The following GPT variants were observed in gnomAD, a reference collection of about 807,000 sequenced individuals.
GPT encodes the protein alanine aminotransferase 1.
A neutral mutation model predicts 51.4 loss-of-function variants in GPT; 60 were observed. The ratio of observed to expected loss-of-function variants is 1.17; its 90% CI spans 0.95 to 1.45. The LOEUF (loss-of-function observed/expected upper bound fraction) is 1.45. Among genes scored for constraint, GPT ranks in the 40% most tolerant of loss-of-function variants. The pLI, the probability that GPT is intolerant of heterozygous loss-of-function variation, is 0.00. For synonymous variants in GPT, 397 were observed against 303.1 expected (o/e 1.31, Z -3.22); for missense variants, 853 against 704.0 (o/e 1.21, Z -2.40).
chr8:144,507,114 G>GGGGGGGGGGGGGGGCCC lies in GPT; in HGVS notation c.*114_*115insGGGGGGGGGGGGGGCCC. The stretch of plus-strand genomic sequence containing the variant: ...TGCCTGGCGGGGTGGGGTGGGGGGG[G>GGGGGGGGGGGGGGGCCC]TGCTGGGCCCCTGCCTCTCTGCAGG... On this transcript the variant is annotated 3_prime_UTR_variant, in exon 11 of 11. Transcript: ENST00000394955. 2.0e-6 allele frequency: 1 copy of GGGGGGGGGGGGGGGCCC among 498,330 alleles called. No homozygotes were observed. Among genetic ancestry groups the GGGGGGGGGGGGGGGCCC allele is most frequent in the Non-Finnish European group, 3.9e-6 (1 of 254,516 alleles). 30.9% of individuals were successfully genotyped at this position (498,330 alleles called of 1,614,324 possible).
upstream of GPT, chr8:144,504,134 C>T (rs1361422278): frequency 4.2e-6 from 3 of 709,564 alleles, no homozygotes; most frequent in Non-Finnish European, 4.9e-6. Context: ...CCTTTCTGTC[C>T]CTCCCAGTGA....
At position 144,506,843 on chromosome 8, in the gene GPT, G is replaced by T. The variant is rs371318945; in HGVS notation, c.1400G>T (p.Arg467Leu). ...CAGCGGGAAGGCACCTACCACTTCC[G>T]GTGAGGCCTGGCCCTCACTCCCTGT... ...FGQREGTYHFRMTILPPLEKL... is the reference protein window; with the variant it reads ...FGQREGTYHFLMTILPPLEKL... The change falls in exon 10 of 11, where the codon CGG becomes CTG. Residue 467 changes from arginine to leucine, a missense_variant and splice_region_variant. Physicochemically the swap from Arg to Leu is moderately radical, Grantham distance 102. Transcript: ENST00000394955. The surrounding 1 kb of genome is among the most constrained non-coding windows in gnomAD (Gnocchi z 7.0). 1.9e-6 allele frequency: 3 copies of T among 1,612,380 alleles called. No individual in the cohort carries two copies. Among genetic ancestry groups the T allele is most frequent in the Non-Finnish European group, 1.7e-6 (2 of 1,179,690 alleles).
In GPT at chr8:144,507,166, G is replaced by C; in HGVS notation, c.*166G>C. 1.5e-6 allele frequency: 1 copy of C among 662,916 alleles called. No individual in the cohort carries two copies. The highest frequency in any genetic ancestry group is 2.7e-6 in the Non-Finnish European group (1 of 365,172). The allele number at this position is 662,916 out of a possible 1,614,324, so 41.1% of individuals were successfully genotyped here. A position where few individuals can be genotyped will look rare whatever the true frequency, so the allele number is the denominator to read the frequency against. Reference sequence around the variant, plus strand: ...CCCTAATAAAGCTGTGTGGCAGTCTGACTCCAGGGAGGAAGCGTTGGCAGC... The same window carrying C: ...CCCTAATAAAGCTGTGTGGCAGTCTCACTCCAGGGAGGAAGCGTTGGCAGC... On this transcript the variant is annotated 3_prime_UTR_variant, in exon 11 of 11. Coordinates refer to ENST00000394955, the MANE Select transcript of GPT (RefSeq NM_005309.3).
rs372885450 is a variant in GPT at position 144,506,140 on chromosome 8, G to A, written c.956+9G>A. 3.1e-6 allele frequency: 5 copies of A among 1,610,038 alleles called. No homozygotes were observed. The highest frequency in any genetic ancestry group is 2.2e-5 in the East Asian group (1 of 44,772). Reference sequence around the variant, plus strand: ...AAGGGCTACATGGGCGAGTGCGTGCGTACGAGGCGGGTGGGGGCTCGCGGG... The same window carrying A: ...AAGGGCTACATGGGCGAGTGCGTGCATACGAGGCGGGTGGGGGCTCGCGGG... On this transcript the variant is annotated intron_variant, in intron 7 of 10. Transcript: ENST00000394955. The surrounding 1 kb of genome is among the most constrained non-coding windows in gnomAD (Gnocchi z 7.0).
upstream of GPT, chr8:144,503,828 T>C: frequency 5.0e-6 from 1 of 198,812 alleles, no homozygotes; most frequent in Non-Finnish European, 1.0e-5. Context: ...CGGGGGTCCC[T>C]CCTTGCCAGC....
At position 144,506,223 on chromosome 8, in the gene GPT, C is replaced by T. The variant is rs756731766; in HGVS notation, c.957-9C>T. 4.4e-6 allele frequency: 7 copies of T among 1,606,256 alleles called. No individual in the cohort carries two copies. Among genetic ancestry groups the T allele is most frequent in the Admixed American group, 1.7e-5 (1 of 59,518 alleles). On this transcript the variant is annotated splice_polypyrimidine_tract_variant and intron_variant, in intron 7 of 10. Transcript: ENST00000394955. The surrounding 1 kb of genome is among the most constrained non-coding windows in gnomAD (Gnocchi z 7.0). The stretch of plus-strand genomic sequence containing the variant: ...CCCCCTCCTCCGCACCTGACCTGGC[C>T]GTGCGCAGGTGCGGGTTCCGCGGCG...
intron 2 of GPT, 31 bp from the exon 3 acceptor site, chr8:144,504,740 G>A (rs1333599972): frequency 1.3e-6 from 2 of 1,573,746 alleles, no homozygotes; most frequent in Non-Finnish European, 1.7e-6. Flanking sequence ...CCCAGCCCAT[G>A]TGCCCTGGCC....
chr8:144,506,445 A>G lies in GPT; in HGVS notation c.1131+39A>G. 1 of 1,569,212 alleles carries G rather than the reference A, an allele frequency of 6.4e-7. No homozygotes were observed. Among genetic ancestry groups the G allele is most frequent in the Non-Finnish European group, 8.6e-7 (1 of 1,158,516 alleles). On this transcript the variant is annotated intron_variant, in intron 8 of 10. Coordinates refer to ENST00000394955, the MANE Select transcript of GPT (RefSeq NM_005309.3). The surrounding 1 kb of genome is among the most constrained non-coding windows in gnomAD (Gnocchi z 7.0). Reference sequence around the variant, plus strand: ...AGGAGGGGGTCCAGGTGACCTAATCAGGGGTGGGGGATGCCGAGTGCCGTG... The same window carrying G: ...AGGAGGGGGTCCAGGTGACCTAATCGGGGGTGGGGGATGCCGAGTGCCGTG...
At position 144,506,563 on chromosome 8, in the gene GPT, T is replaced by C; in HGVS notation, c.1194T>C (p.Asn398=). 1.3e-6 allele frequency: 2 copies of C among 1,585,030 alleles called. No homozygotes were observed. The highest frequency in any genetic ancestry group is 2.3e-5 in the East Asian group (1 of 43,762). ...AKAKLTEQVF[N]EAPGISCNPV... ...CCAAGCTCACCGAGCAGGTCTTCAA[T>C]GAGGCTCCTGGCATCAGCTGCAACC... is the stretch of plus-strand genomic sequence containing the variant. The change falls in exon 9 of 11, where the codon AAT becomes AAC. Residue 398 remains asparagine, a synonymous_variant. Transcript: ENST00000394955. The surrounding 1 kb of genome is among the most constrained non-coding windows in gnomAD (Gnocchi z 7.0).
Position 144,505,308 on chromosome 8 carries a change from C to T in GPT, c.558C>T (p.Ile186=), listed in dbSNP as rs1200217718. ...CACGCACGGGTGTGCTCATCCCCAT[C>T]CCCCAGTACCCACTCTACTCGGCCA... is the stretch of plus-strand genomic sequence containing the variant. ...GHTRTGVLIP[I]PQYPLYSATL... is the part of the protein sequence containing the mutation. The change falls in exon 5 of 11, where the codon ATC becomes ATT. Residue 186 remains isoleucine, a synonymous_variant. Coordinates refer to ENST00000394955, the MANE Select transcript of GPT (RefSeq NM_005309.3). 3 of 1,570,424 alleles carry T rather than the reference C, an allele frequency of 1.9e-6. No individual in the cohort carries two copies. The highest frequency in any genetic ancestry group is 1.2e-5 in the South Asian group (1 of 86,398).
In GPT at chr8:144,505,936, C is replaced by T. The variant is rs1465025744; in HGVS notation, c.819+9C>T. ...TTCTGCTGGCGGACGAGGTGCGCGG[C>T]GCGGGGGAGCGGGAAGCCGGGCAAC... On this transcript the variant is annotated intron_variant, in intron 6 of 10. Transcript: ENST00000394955. 1.9e-5 allele frequency: 31 copies of T among 1,610,462 alleles called. No homozygotes were observed. In the African/African-American group the frequency reaches 2.0e-4, roughly 10 times the overall value.
rs1388720647 is a variant in GPT at position 144,506,136 on chromosome 8, G to A, written c.956+5G>A. On this transcript the variant is annotated splice_donor_5th_base_variant and intron_variant, in intron 7 of 10. Coordinates refer to ENST00000394955, the MANE Select transcript of GPT (RefSeq NM_005309.3). The surrounding 1 kb of genome is among the most constrained non-coding windows in gnomAD (Gnocchi z 7.0). ...CTCCAAGGGCTACATGGGCGAGTGCGTGCGTACGAGGCGGGTGGGGGCTCG... is the reference window on the plus strand; with the variant it reads ...CTCCAAGGGCTACATGGGCGAGTGCATGCGTACGAGGCGGGTGGGGGCTCG... 1.9e-6 allele frequency: 3 copies of A among 1,611,188 alleles called. No homozygotes were observed. Among genetic ancestry groups the A allele is most frequent in the Non-Finnish European group, 2.5e-6 (3 of 1,178,930 alleles).
Position 144,506,184 on chromosome 8 carries a change from C to G in GPT, c.957-48C>G, listed in dbSNP as rs749139745. Reference sequence around the variant, plus strand: ...TCGCGGGCCATGGCCAGGCCCTCCTCGCCCGATGGGCCACCCCCTCCTCCG... The same window carrying G: ...TCGCGGGCCATGGCCAGGCCCTCCTGGCCCGATGGGCCACCCCCTCCTCCG... On this transcript the variant is annotated intron_variant, in intron 7 of 10. Transcript: ENST00000394955. The surrounding 1 kb of genome is among the most constrained non-coding windows in gnomAD (Gnocchi z 7.0). 6.2e-7 allele frequency: 1 copy of G among 1,601,662 alleles called. No homozygotes were observed. The highest frequency in any genetic ancestry group is 8.5e-7 in the Non-Finnish European group (1 of 1,175,240).
In GPT at chr8:144,505,090, A is replaced by C. The variant is rs1296805991; in HGVS notation, c.454A>C (p.Asn152His). Residue 152 changes from asparagine (N) to histidine (H), a missense_variant, in exon 4 of 11, where the codon AAC becomes CAC. Physicochemically the swap from Asn to His is moderately conservative, Grantham distance 68 (BLOSUM62 1). Coordinates refer to ENST00000394955, the MANE Select transcript of GPT (RefSeq NM_005309.3). ...TGACGGAGGCATCCCTGCGGACCCC[A>C]ACAACGTCTTCCTGTCCACAGGGGC... ...RRDGGIPADP[N>H]NVFLSTGASD... is the part of the protein sequence containing the mutation. 1.2e-6 allele frequency: 2 copies of C among 1,613,020 alleles called. No homozygotes were observed.
Position 144,506,833 on chromosome 8 carries a change from T to G in GPT, c.1390T>G (p.Tyr464Asp). ...CGGCTTTGGGCAGCGGGAAGGCACC[T>G]ACCACTTCCGGTGAGGCCTGGCCCT... ...GSGFGQREGT[Y>D]HFRMTILPPL... The change falls in exon 10 of 11, where the codon TAC (tyrosine) becomes GAC (aspartate). Residue 464 changes from tyrosine (Y) to aspartate (D), a missense_variant. Transcript: ENST00000394955. The surrounding 1 kb of genome is among the most constrained non-coding windows in gnomAD (Gnocchi z 7.0). The G allele has an allele frequency of 6.2e-7, 1 of 1,612,718 alleles. No individual in the cohort carries two copies. The highest frequency in any genetic ancestry group is 8.5e-7 in the Non-Finnish European group (1 of 1,179,896).
rs764916788 is a variant in GPT, at chr8:144,504,396, G to T, written c.92G>T (p.Arg31Leu). 4 of 1,611,784 alleles carry T rather than the reference G, an allele frequency of 2.5e-6. No homozygotes were observed. The East Asian group carries it at 8.9e-5, about 36-fold the overall frequency. The change falls in exon 1 of 11, where the codon CGG becomes CTG. Residue 31 changes from arginine to leucine, a missense_variant. Transcript: ENST00000394955. ...LTLDGMNPRV[R>L]RVEYAVRGPI... Reference sequence around the variant, plus strand: ...CTGGACGGCATGAACCCGCGTGTGCGGAGAGTGGAGTACGCAGTGCGTGGC... The same window carrying T: ...CTGGACGGCATGAACCCGCGTGTGCTGAGAGTGGAGTACGCAGTGCGTGGC...
At position 144,504,179 on chromosome 8, in the gene GPT, G is replaced by A. The variant is rs943435391; in HGVS notation, c.-126G>A. The A allele has an allele frequency of 7.0e-6, 7 of 993,714 alleles. No homozygotes were observed. Among genetic ancestry groups the A allele is most frequent in the Non-Finnish European group, 7.6e-6 (5 of 655,630 alleles). 61.6% of individuals were successfully genotyped at this position (993,714 alleles called of 1,614,324 possible). ...CGGTGAAGAGGGTGCTCTCTTGCCT[G>A]GAGTTCCCTCTGCTACGGCTGCCCC... On this transcript the variant is annotated 5_prime_UTR_variant, in exon 1 of 11. Transcript: ENST00000394955.
At chr8:144,504,976 A>G in intron 3 of GPT, 22 bp from the exon 4 acceptor site, 1 of 1,612,978 alleles carries the variant, frequency 6.2e-7, no homozygotes, top group Non-Finnish European at 8.5e-7. Context: ...TGTACTTCCC[A>G]TCCTGTCCTG....
intron 6 of GPT, 27 bp from the exon 7 acceptor site, chr8:144,505,968 C>T: frequency 1.2e-6 from 2 of 1,612,176 alleles, no homozygotes; most frequent in Non-Finnish European, 1.7e-6. Context: ...CAACAGTCCG[C>T]CCCCGTGACG....
Sources: allele counts gnomAD v4.1 joint callset, GRCh38; gene constraint gnomAD v4.1.1; non-coding constraint Gnocchi (gnomAD v3.1); transcripts MANE v1.5; gene names NCBI Gene and HGNC (gene_info 2026-07-23, HGNC 2026-07-21).